TEX15: variants seen among roughly 807,000 people sequenced by gnomAD.
TEX15 encodes testis expressed 15, meiosis and synapsis associated.
Under a neutral mutation model 237.3 loss-of-function variants are expected in TEX15, and 171 were observed. The observed-to-expected ratio is 0.72, with a 90% CI of 0.64 to 0.82. The LOEUF (loss-of-function observed/expected upper bound fraction) is 0.82. TEX15 is among the 40% of genes least tolerant of loss of function. The pLI is 0.00. For synonymous variants in TEX15, 1,338 were observed against 1,269.8 expected (o/e 1.05, Z -1.14); for missense variants, 3,750 against 3,646.5 (o/e 1.03, Z -0.73).
Position 30,849,036 on chromosome 8 carries a change from A to C in TEX15, c.1131T>G (p.His377Gln). ...TGGGCATAAGTGAAATGTCTGAATC[A>C]TGTGCAAGTACTTGAGAAGTGTCTC... ...EIRDTSQVLA[H>Q]DSDISLMPSD... The change falls in exon 8 of 11, where the codon CAT (histidine) becomes CAG (glutamine). Residue 377 changes from histidine to glutamine, a missense_variant. Transcript: ENST00000643185. 6.2e-7 allele frequency: 1 copy of C among 1,614,160 alleles called. No individual in the cohort carries two copies. Among genetic ancestry groups the C allele is most frequent in the South Asian group, 1.1e-5 (1 of 91,078 alleles).
chr8:30,884,107 G>A (rs7828826), intron 3 of TEX15, among the ~76,000 whole-genome samples: 17,711 of 152,154 alleles, frequency 0.12, 1,712 homozygotes, highest in African/African-American at 0.27. Flanking sequence ...CAAACTCCTA[G>A]CCTCAGGGCA....
chr8:30,888,501 CA>C, intron 2 of TEX15: 1 of 596,514 alleles, frequency 1.7e-6, no homozygotes, highest in South Asian at 1.7e-5. Flanking sequence ...TCTCTCTCCC[CA>C]AACTCCCCTG....
intron 8 of TEX15, among the ~76,000 whole-genome samples, chr8:30,840,855 T>C (rs1173590779): frequency 6.6e-6 from 1 of 152,156 alleles, no homozygotes; most frequent in Non-Finnish European, 1.5e-5. Context: ...GAAATAACCT[T>C]CTCCATCCAT....
intron 7 of TEX15, among the ~76,000 whole-genome samples, chr8:30,854,555 C>T (rs144171222): frequency 6.6e-6 from 1 of 151,886 alleles, no homozygotes; most frequent in Non-Finnish European, 1.5e-5. Context: ...TGAAGTCTAC[C>T]AAATGTTTAA....
At chr8:30,886,021 T>C (rs1592694) in intron 3 of TEX15, among the ~76,000 whole-genome samples, 54,620 of 152,108 alleles carry the variant, frequency 0.36, 15,064 homozygotes, top group African/African-American at 0.77. Context: ...CTTTAAAAGT[T>C]TCTCAGTTAA....
At chr8:30,833,381 T>G (rs1807224117) in intron 10 of TEX15, 58 bp from the exon 11 acceptor site, 2 of 1,303,338 alleles carry the variant, frequency 1.5e-6, no homozygotes, top group Admixed American at 2.2e-5. Context: ...TGGTACATGA[T>G]ACTATAGTGG....
chr8:30,887,336 G>A (rs1156674159), intron 2 of TEX15, 25 bp from the exon 3 acceptor site: 13 of 1,502,152 alleles, frequency 8.7e-6, no homozygotes, highest in Non-Finnish European at 2.6e-6. Context: ...AGGTTATTAA[G>A]CAAAAAGGTC....
At chr8:30,888,978 G>A (rs953714654) in intron 2 of TEX15, among the ~76,000 whole-genome samples, 9 of 152,200 alleles carry the variant, frequency 5.9e-5, no homozygotes, top group Admixed American at 2.0e-4. Context: ...AGAGATACTT[G>A]TCAAGGCTGC....
chr8:30,838,426 G>T (rs1807360662), intron 9 of TEX15, among the ~76,000 whole-genome samples: 1 of 151,782 alleles, frequency 6.6e-6, no homozygotes, highest in Non-Finnish European at 1.5e-5. Flanking sequence ...TTCATTACTT[G>T]TAAATAGCTA....
chr8:30,912,422 T>C (rs1370397240), intron 1 of TEX15, among the ~76,000 whole-genome samples: 1 of 150,882 alleles, frequency 6.6e-6, no homozygotes, highest in Non-Finnish European at 1.5e-5. Flanking sequence ...CGCGCTGCCT[T>C]CTGCTGACTA....
chr8:30,889,741 C>T (rs541304830), intron 2 of TEX15, among the ~76,000 whole-genome samples: 1 of 151,760 alleles, frequency 6.6e-6, no homozygotes, highest in East Asian at 1.9e-4. Flanking sequence ...AAACTTCAAC[C>T]ATGTTAAAGT....
rs138346919 is a variant in TEX15 at position 30,836,927 on chromosome 8, T to C, written c.9357A>G (p.Gln3119=). 4.9e-5 allele frequency: 79 copies of C among 1,614,138 alleles called. No homozygotes were observed. The African/African-American group carries it at 9.2e-4, about 19-fold the overall frequency. ...FVPVNGYFQS[Q]IPASNFRQPI... Reference sequence around the variant, plus strand: ...GCTGCCGAAAATTAGAAGCAGGTATTTGAGATTGAAAATACCCATTCACTG... The same window carrying C: ...GCTGCCGAAAATTAGAAGCAGGTATCTGAGATTGAAAATACCCATTCACTG... The change falls in exon 10 of 11, where the codon CAA becomes CAG. Residue 3119 remains glutamine (Q), a synonymous_variant. Coordinates refer to ENST00000643185, the MANE Select transcript of TEX15 (RefSeq NM_001350162.2).
At chr8:30,902,038 T>C (rs10090801) in intron 1 of TEX15, among the ~76,000 whole-genome samples, 35,572 of 152,048 alleles carry the variant, frequency 0.23, 6,096 homozygotes, top group African/African-American at 0.47. Context: ...TGGGAACTTG[T>C]TGGCAATGCA....
rs769765287 is a variant in TEX15, at chr8:30,843,142, T to C, written c.7025A>G (p.Lys2342Arg). 1.2e-6 allele frequency: 2 copies of C among 1,613,108 alleles called. No homozygotes were observed. Among genetic ancestry groups the C allele is most frequent in the East Asian group, 2.2e-5 (1 of 44,818 alleles). The change falls in exon 8 of 11, where the codon AAG becomes AGG. Residue 2342 changes from lysine to arginine, a missense_variant. Physicochemically the swap from Lys to Arg is conservative, Grantham distance 26. Coordinates refer to ENST00000643185, the MANE Select transcript of TEX15 (RefSeq NM_001350162.2). ...TGCTTCGTTTATTGGATGATCTGACTTTCTGGAAGCAATTATAGTATCCTC... is the reference window on the plus strand; with the variant it reads ...TGCTTCGTTTATTGGATGATCTGACCTTCTGGAAGCAATTATAGTATCCTC... ...LEEDTIIASR[K>R]SDHPINEATI...
At chr8:30,836,664 G>T in intron 10 of TEX15, 139 bp downstream of exon 10, 2 of 782,042 alleles carry the variant, frequency 2.6e-6, no homozygotes, top group Non-Finnish European at 4.0e-6. Flanking sequence ...CCAATCCATT[G>T]GCAATTCTAC....
intron 7 of TEX15, among the ~76,000 whole-genome samples, chr8:30,857,879 A>G (rs1362956414): frequency 1.3e-5 from 2 of 152,234 alleles, no homozygotes; most frequent in Admixed American, 1.3e-4. Context: ...AAACTTTAAA[A>G]AAAAGCATAG....
At chr8:30,874,861 A>T in intron 4 of TEX15, 76 bp downstream of exon 4, 1 of 864,828 alleles carries the variant, frequency 1.2e-6, no homozygotes, top group Non-Finnish European at 1.5e-6. Flanking sequence ...CTCATATGGT[A>T]GAAATGAATT....
chr8:30,838,522 T>C (rs1306155606), intron 9 of TEX15, among the ~76,000 whole-genome samples: 3 of 151,848 alleles, frequency 2.0e-5, no homozygotes, highest in Non-Finnish European at 4.4e-5. Flanking sequence ...TAATACGTTT[T>C]TGTCTGTTCA....
At chr8:30,887,373 T>C in intron 2 of TEX15, 62 bp from the exon 3 acceptor site, 2 of 1,314,970 alleles carry the variant, frequency 1.5e-6, no homozygotes, top group Non-Finnish European at 2.0e-6. Context: ...GCAATGGCAG[T>C]ACAATCATTT....
Sources: allele counts gnomAD v4.1 joint callset (sites outside exome capture counted in the v4.1 genomes callset), GRCh38; gene constraint gnomAD v4.1.1; transcripts MANE v1.5; gene names NCBI Gene and HGNC (gene_info 2026-07-23, HGNC 2026-07-21).